The following MANSC1 variants were observed in gnomAD, a reference collection of about 807,000 sequenced individuals.
MANSC1 encodes the protein MANSC domain-containing protein 1.
In MANSC1, 13 loss-of-function variants were observed where a neutral mutation model predicts 14.1. The observed-to-expected ratio is 0.92, with a 90% CI of 0.60 to 1.46. MANSC1 has a LOEUF of 1.46. Ranked by LOEUF, MANSC1 falls within the 40% of genes most tolerant of loss-of-function variation. The pLI is 0.00. For missense variants in MANSC1, 486 were observed against 511.4 expected, an observed-to-expected ratio of 0.95 and a Z score of 0.48; for synonymous variants, 227 against 200.7, an observed-to-expected ratio of 1.13 and a Z score of -1.11.
Position 12,326,709 on chromosome 12 carries a change from C to T in MANSC1, c.*3318G>A, listed in dbSNP as rs993756500. 1 of 151,578 alleles carries T rather than the reference C, an allele frequency of 6.6e-6. No homozygotes were observed. Among genetic ancestry groups the T allele is most frequent in the South Asian group, 2.1e-4 (1 of 4,778 alleles). The allele number at this position is 151,578 out of a possible 1,614,324, so 9.4% of individuals were successfully genotyped here. ...TGATCATGGCTCACTGCAGCCTCGACCTCCTGGGCTCAAGTGATCCTCCCA... is the reference window on the plus strand; with the variant it reads ...TGATCATGGCTCACTGCAGCCTCGATCTCCTGGGCTCAAGTGATCCTCCCA... On this transcript the variant is annotated 3_prime_UTR_variant, in exon 4 of 4. Transcript: ENST00000535902.
At chr12:12,345,473 T>A (rs1444164809) in intron 1 of MANSC1, among the ~76,000 whole-genome samples, 2 of 152,304 alleles carry the variant, frequency 1.3e-5, no homozygotes, top group Admixed American at 1.3e-4. Flanking sequence ...GCAGGAGGAA[T>A]ACGCTGCCTC....
At chr12:12,331,657 G>A (rs1379776051) in intron 3 of MANSC1, among the ~76,000 whole-genome samples, 1 of 152,102 alleles carries the variant, frequency 6.6e-6, no homozygotes, top group Non-Finnish European at 1.5e-5. Flanking sequence ...TGTGGGAAAT[G>A]AGGCAATAGA....
rs949718486 is a variant in MANSC1 at position 12,329,156 on chromosome 12, G to T, written c.*871C>A. On this transcript the variant is annotated 3_prime_UTR_variant, in exon 4 of 4. Transcript: ENST00000535902. Reference sequence around the variant, plus strand: ...CTTTGCTCACTGATGGGAAAAAGGGGGGGTTGTCATTTTAACGTGGAACGC... The same window carrying T: ...CTTTGCTCACTGATGGGAAAAAGGGTGGGTTGTCATTTTAACGTGGAACGC... 1 of 152,142 alleles carries T rather than the reference G, an allele frequency of 6.6e-6. No individual in the cohort carries two copies. Among genetic ancestry groups the T allele is most frequent in the African/African-American group, 2.4e-5 (1 of 41,430 alleles). The allele number at this position is 152,142 out of a possible 1,614,324, so 9.4% of individuals were successfully genotyped here. A position where few individuals can be genotyped will look rare whatever the true frequency, so the allele number is the denominator to read the frequency against.
chr12:12,340,718 C>T (rs550372311), intron 2 of MANSC1, among the ~76,000 whole-genome samples: 2 of 152,168 alleles, frequency 1.3e-5, no homozygotes, highest in Non-Finnish European at 2.9e-5. Context: ...TAGAATAAAA[C>T]AGCAAACCCT....
intron 3 of MANSC1, among the ~76,000 whole-genome samples, chr12:12,331,528 G>C (rs1339273682): frequency 6.6e-6 from 1 of 152,210 alleles, no homozygotes; most frequent in Non-Finnish European, 1.5e-5. Flanking sequence ...GAATGCGGGG[G>C]AAGGTGTGGG....
chr12:12,344,100 G>A (rs746230103), intron 1 of MANSC1, among the ~76,000 whole-genome samples: 6 of 151,902 alleles, frequency 3.9e-5, no homozygotes, highest in African/African-American at 9.7e-5. Context: ...GTGACAAAGC[G>A]AGACCATGTC....
At chr12:12,344,916 CAT>C (rs536743365) in intron 1 of MANSC1, among the ~76,000 whole-genome samples, 352 of 33,278 alleles carry the variant, frequency 0.011, 6 homozygotes, top group Non-Finnish European at 0.014. Flanking sequence ...AATAAACTCC[CAT>C]ATATATATAT....
intron 3 of MANSC1, among the ~76,000 whole-genome samples, chr12:12,334,451 C>T (rs1862831949): frequency 6.6e-6 from 1 of 152,122 alleles, no homozygotes. Context: ...CAGATTCATA[C>T]ACAGAATTAC....
intron 1 of MANSC1, among the ~76,000 whole-genome samples, chr12:12,346,446 C>G (rs989561962): frequency 1.3e-4 from 20 of 152,174 alleles, no homozygotes; most frequent in Admixed American, 9.2e-4. Context: ...AAGACTGATA[C>G]TACCTGACTT....
intron 1 of MANSC1, among the ~76,000 whole-genome samples, chr12:12,346,966 G>T (rs572480887): frequency 4.8e-4 from 69 of 142,780 alleles, no homozygotes; most frequent in African/African-American, 1.2e-3. Flanking sequence ...ATTTGAGGTG[G>T]TTTTTTTTTT....
In MANSC1 at chr12:12,343,219, C is replaced by G; in HGVS notation, c.96G>C (p.Lys32Asn). Residue 32 changes from lysine (K) to asparagine (N), a missense_variant, in exon 2 of 4, where the codon AAG becomes AAC. By Grantham distance (94) the Lys-to-Asn change is moderately conservative. Transcript: ENST00000535902. ...RLSASQNCLK[K>N]SLEDVVIDIQ... ...TGTCAATGACAACATCTTCTAGACT[C>G]TTTTTGAGGCAATTCTGACTAGCAG... 6.2e-7 allele frequency: 1 copy of G among 1,614,068 alleles called. No homozygotes were observed. The highest frequency in any genetic ancestry group is 8.5e-7 in the Non-Finnish European group (1 of 1,179,948).
intron 3 of MANSC1, among the ~76,000 whole-genome samples, chr12:12,334,710 G>A (rs1328525207): frequency 6.6e-6 from 1 of 152,130 alleles, no homozygotes; most frequent in East Asian, 1.9e-4. Context: ...TCCCATACAT[G>A]CTCTTTTATA....
chr12:12,341,329 T>C (rs1862929637), intron 2 of MANSC1, among the ~76,000 whole-genome samples: 1 of 152,342 alleles, frequency 6.6e-6, no homozygotes, highest in East Asian at 1.9e-4. Flanking sequence ...GGAGACTTTG[T>C]CCCTGGGGAA....
intron 2 of MANSC1, among the ~76,000 whole-genome samples, chr12:12,341,844 TA>T (rs1362430689): frequency 6.6e-6 from 1 of 152,112 alleles, no homozygotes; most frequent in African/African-American, 2.4e-5. Context: ...TAGTAAAAAT[TA>T]GCTGGATGTG....
In MANSC1 at chr12:12,330,590, C is replaced by T. The variant is rs749545557; in HGVS notation, c.733G>A (p.Ala245Thr). 8.7e-6 allele frequency: 14 copies of T among 1,614,004 alleles called. No homozygotes were observed. The highest frequency in any genetic ancestry group is 1.6e-4 in the Middle Eastern group (1 of 6,082). ...GAAGCATTGGTGGGTAGAAGGGTGG[C>T]GGGCTTTGGAGTAGCCGAGGTGGTA... ...PHTTSATPKP[A>T]TLLPTNASVT... Residue 245 changes from alanine to threonine, a missense_variant, in exon 4 of 4, where the codon GCC becomes ACC. Physicochemically the swap from Ala to Thr is moderately conservative, Grantham distance 58. Coordinates refer to ENST00000535902, the MANE Select transcript of MANSC1 (RefSeq NM_018050.4).
At chr12:12,343,012 TAA>T in intron 2 of MANSC1, 78 bp downstream of exon 2, 1 of 967,136 alleles carries the variant, frequency 1.0e-6, no homozygotes, top group South Asian at 1.4e-5. Context: ...ATCACTGGTA[TAA>T]GTTATTCAGC....
At chr12:12,336,284 A>T (rs1198539865) in intron 3 of MANSC1, among the ~76,000 whole-genome samples, 3 of 151,942 alleles carry the variant, frequency 2.0e-5, no homozygotes, top group Non-Finnish European at 4.4e-5. Context: ...TTTTTCAAAC[A>T]CTCCAAAGCA....
At chr12:12,348,906 T>C (rs1863042521) in intron 1 of MANSC1, among the ~76,000 whole-genome samples, 1 of 152,226 alleles carries the variant, frequency 6.6e-6, no homozygotes, top group Non-Finnish European at 1.5e-5. Context: ...CCCATTATTA[T>C]CCTCATTTTA....
At chr12:12,333,224 T>G (rs567521386) in intron 3 of MANSC1, among the ~76,000 whole-genome samples, 1 of 152,106 alleles carries the variant, frequency 6.6e-6, no homozygotes, top group South Asian at 2.1e-4. Flanking sequence ...TTTTTGTATT[T>G]TTTGTAGAGA....
Sources: allele counts gnomAD v4.1 joint callset (sites outside exome capture counted in the v4.1 genomes callset), GRCh38; gene constraint gnomAD v4.1.1; transcripts MANE v1.5; gene names NCBI Gene and HGNC (gene_info 2026-07-23, HGNC 2026-07-21).